SLC35H1: variants seen among roughly 807,000 people sequenced by gnomAD.
The protein encoded by SLC35H1 is ovarian cancer-overexpressed gene 1 protein.
the SLC35H1 span, among the ~76,000 whole-genome samples, chr20:46,359,873 C>G: frequency 6.6e-6 from 1 of 152,218 alleles, no homozygotes; most frequent in Non-Finnish European, 1.5e-5. Flanking sequence ...CCCACCCCAA[C>G]ATTTCTGAAG....
chr20:46,348,052 C>A, the SLC35H1 span: 1 of 151,892 alleles, frequency 6.6e-6, no homozygotes, highest in Admixed American at 6.6e-5. Flanking sequence ...GCAAGCACCG[C>A]GTTGCCATGG....
At chr20:46,353,743 C>T in the SLC35H1 span, among the ~76,000 whole-genome samples, 5 of 151,952 alleles carry the variant, frequency 3.3e-5, no homozygotes, top group Admixed American at 2.0e-4. Flanking sequence ...CTACCAGGGG[C>T]TTTCAGATGA....
the SLC35H1 span, among the ~76,000 whole-genome samples, chr20:46,354,096 T>C: frequency 6.6e-6 from 1 of 152,094 alleles, no homozygotes; most frequent in African/African-American, 2.4e-5. Context: ...CCTCCCAGCC[T>C]ACACAGTTCT....
the SLC35H1 span, chr20:46,356,690 G>A: frequency 1.3e-6 from 2 of 1,566,386 alleles, no homozygotes; most frequent in South Asian, 2.3e-5. Context: ...CACTCTGCTG[G>A]GGTGGGCTGG....
At chr20:46,352,567 C>G in the SLC35H1 span, 3 of 225,194 alleles carry the variant, frequency 1.3e-5, no homozygotes, top group African/African-American at 7.2e-5. Context: ...GATGGGGATC[C>G]TAGCGGGATG....
At chr20:46,346,409 C>G in the SLC35H1 span, 1 of 152,140 alleles carries the variant, frequency 6.6e-6, no homozygotes, top group African/African-American at 2.4e-5. Context: ...GCAGCCCCTT[C>G]TTACAGGGCA....
the SLC35H1 span, among the ~76,000 whole-genome samples, chr20:46,360,339 G>C: frequency 3.9e-5 from 6 of 152,068 alleles, no homozygotes; most frequent in Non-Finnish European, 7.4e-5. Flanking sequence ...CTACAGCAAT[G>C]GCACTAGTGG....
chr20:46,349,059 A>G, the SLC35H1 span: 1 of 152,180 alleles, frequency 6.6e-6, no homozygotes, highest in Non-Finnish European at 1.5e-5. Context: ...GTCCCCACCC[A>G]TGGATACCCA....
the SLC35H1 span, chr20:46,350,616 C>T: frequency 6.7e-7 from 1 of 1,499,546 alleles, no homozygotes; most frequent in Non-Finnish European, 9.0e-7. Context: ...CCAGGCCCCA[C>T]CCACCCACTC....
the SLC35H1 span, chr20:46,356,652 G>A: frequency 1.2e-6 from 2 of 1,612,668 alleles, no homozygotes; most frequent in Non-Finnish European, 1.7e-6. Context: ...GAAGACACAG[G>A]CACCCACAGG....
At chr20:46,351,022 G>T in the SLC35H1 span, 1 of 1,240,526 alleles carries the variant, frequency 8.1e-7, no homozygotes, top group Non-Finnish European at 1.1e-6. Context: ...CTGGGCCCAG[G>T]CAGGCAGAGA....
At chr20:46,356,577 G>A in the SLC35H1 span, 8 of 1,613,964 alleles carry the variant, frequency 5.0e-6, no homozygotes, top group East Asian at 2.2e-5. Context: ...TACTCACAGC[G>A]AGACGGTGAC....
At chr20:46,355,040 CCT>C in the SLC35H1 span, 1 of 1,613,836 alleles carries the variant, frequency 6.2e-7, no homozygotes, top group African/African-American at 1.3e-5. The surrounding 1 kb of genome is among the most constrained non-coding windows in gnomAD (Gnocchi z 4.8). Flanking sequence ...TGCCGGGGTT[CCT>C]CTCTCTGGAG....
the SLC35H1 span, chr20:46,352,506 C>CCCTAGCGGGATGATGGGGAT: frequency 5.5e-6 from 2 of 364,644 alleles, no homozygotes; most frequent in Non-Finnish European, 1.0e-5. Flanking sequence ...GATGATGGGA[C>CCCTAGCGGGATGATGGGGAT]CCTAGCGGGA....
the SLC35H1 span, chr20:46,352,170 G>A: frequency 1.9e-6 from 3 of 1,614,110 alleles, no homozygotes; most frequent in African/African-American, 4.0e-5. Flanking sequence ...AGTACCCGCA[G>A]GAGCAGCCCT....
At chr20:46,356,493 C>T in the SLC35H1 span, 1 of 1,422,726 alleles carries the variant, frequency 7.0e-7, no homozygotes, top group South Asian at 1.2e-5. Context: ...GCTGGCCTAG[C>T]AGCCGGGTGT....
the SLC35H1 span, chr20:46,350,463 GAGC>G: frequency 1.2e-6 from 2 of 1,613,436 alleles, no homozygotes; most frequent in Non-Finnish European, 1.7e-6. Flanking sequence ...GGCTGCTCCG[GAGC>G]AGCAGCTCCA....
At chr20:46,355,417 G>A in the SLC35H1 span, 1 of 707,338 alleles carries the variant, frequency 1.4e-6, no homozygotes, top group Middle Eastern at 3.3e-4. This position sits in a 1 kb window ranked among gnomAD's most constrained non-coding sequence, Gnocchi z 4.8. Context: ...ATGTCAGCAT[G>A]TAGGGCTGAC....
At chr20:46,350,288 C>T in the SLC35H1 span, 16 of 1,406,430 alleles carry the variant, frequency 1.1e-5, 1 homozygote, top group South Asian at 2.9e-5. Context: ...TGGTGACTCC[C>T]GTCCACAGCT....
Sources: allele counts gnomAD v4.1 joint callset (sites outside exome capture counted in the v4.1 genomes callset), GRCh38; gene constraint gnomAD v4.1.1; non-coding constraint Gnocchi (gnomAD v3.1); transcripts MANE v1.5; gene names NCBI Gene and HGNC (gene_info 2026-07-23, HGNC 2026-07-21).